Variants in ATP13A5 observed in about 807,000 individuals in gnomAD.
ATP13A5 encodes the protein probable cation-transporting ATPase 13A5.
ATP13A5 carries 149 observed loss-of-function variants against 150.2 expected under a neutral mutation model. The ratio of observed to expected loss-of-function variants is 0.99; its 90% confidence interval spans 0.87 to 1.14. ATP13A5 has a LOEUF of 1.14. Ranked by LOEUF, ATP13A5 falls within the 50% of genes most tolerant of loss-of-function variation. ATP13A5 has a pLI of 0.00. For missense variants in ATP13A5, 1,383 were observed against 1,449.3 expected, an observed-to-expected ratio of 0.95 and a Z score of 0.74; for synonymous variants, 497 against 522.2, an observed-to-expected ratio of 0.95 and a Z score of 0.66.
rs766985195 is a variant in ATP13A5, at chr3:193,345,074, T to G, written c.743A>C (p.Gln248Pro). 6.2e-7 allele frequency: 1 copy of G among 1,612,750 alleles called. No individual in the cohort carries two copies. Among genetic ancestry groups the G allele is most frequent in the African/African-American group, 1.3e-5 (1 of 74,884 alleles). The change falls in exon 8 of 30, where the codon CAA becomes CCA. Residue 248 changes from glutamine to proline, a missense_variant and splice_region_variant. By Grantham distance (76) the Gln-to-Pro change is moderately conservative (BLOSUM62 -1). Coordinates refer to ENST00000342358, the MANE Select transcript of ATP13A5 (RefSeq NM_198505.4). ...IVLSVYDLRQQSVKLHNLVED... is the reference protein window; with the variant it reads ...IVLSVYDLRQPSVKLHNLVED... The stretch of plus-strand genomic sequence containing the variant: ...CACGAGGTTATGCAGCTTAACTGAT[T>G]GCTACCAAGTAAAAGTTAACATTTA...
At chr3:193,309,426 T>C (rs1371064921) in intron 21 of ATP13A5, among the ~76,000 whole-genome samples, 1 of 152,190 alleles carries the variant, frequency 6.6e-6, no homozygotes. Flanking sequence ...CTAAGATATA[T>C]GCCTTATGGC....
At chr3:193,283,427 AT>A (rs1236854590) in intron 27 of ATP13A5, among the ~76,000 whole-genome samples, 2 of 115,666 alleles carry the variant, frequency 1.7e-5, no homozygotes, top group Non-Finnish European at 4.2e-5. Flanking sequence ...CAGAAAAAAA[AT>A]AAGTTTAAAA....
At chr3:193,373,341 G>A (rs1021367444) in intron 1 of ATP13A5, among the ~76,000 whole-genome samples, 4 of 151,890 alleles carry the variant, frequency 2.6e-5, no homozygotes, top group African/African-American at 9.7e-5. Flanking sequence ...ATGGGATTTT[G>A]TCATGTTGGC....
intron 27 of ATP13A5, among the ~76,000 whole-genome samples, chr3:193,280,708 G>A (rs890876130): frequency 2.0e-5 from 3 of 152,122 alleles, no homozygotes; most frequent in Admixed American, 2.0e-4. Flanking sequence ...TTTAGAGACG[G>A]TACCTTAGAA....
At chr3:193,319,700 G>A (rs1719191722) in intron 16 of ATP13A5, among the ~76,000 whole-genome samples, 1 of 152,210 alleles carries the variant, frequency 6.6e-6, no homozygotes, top group Non-Finnish European at 1.5e-5. Context: ...ACTGGGTTCA[G>A]TAAGAACAGA....
At position 193,351,060 on chromosome 3, in the gene ATP13A5, G is replaced by A. The variant is rs1712543830; in HGVS notation, c.741+7C>T. 2 of 1,612,742 alleles carry A rather than the reference G, an allele frequency of 1.2e-6. No individual in the cohort carries two copies. The highest frequency in any genetic ancestry group is 2.2e-5 in the East Asian group (1 of 44,778). On this transcript the variant is annotated splice_region_variant and intron_variant, in intron 7 of 29. Transcript: ENST00000342358. ...AAATAGAATCTGGCTGTGATTTCAG[G>A]TCTTACCTGTCGCAAATCATACACA...
rs543115388 is a variant in ATP13A5, at chr3:193,336,933, C to T, written c.944-1834G>A. 2.3e-3 allele frequency among the ~76,000 whole-genome samples: 350 copies of T among 152,280 alleles called. 3 individuals carry two copies. The highest frequency in any genetic ancestry group is 7.8e-3 in the African/African-American group (324 of 41,552). On this transcript the variant is annotated intron_variant, in intron 9 of 29. Coordinates refer to ENST00000342358, the MANE Select transcript of ATP13A5 (RefSeq NM_198505.4). Reference sequence around the variant, plus strand: ...GACTTTTTAATGATTGCCATTCTAACTGGTGTGAGATGGTGTCTCATTGTG... The same window carrying T: ...GACTTTTTAATGATTGCCATTCTAATTGGTGTGAGATGGTGTCTCATTGTG...
At chr3:193,365,850 T>C (rs546143179) in intron 1 of ATP13A5, among the ~76,000 whole-genome samples, 1 of 152,216 alleles carries the variant, frequency 6.6e-6, no homozygotes, top group East Asian at 1.9e-4. Flanking sequence ...AAACTCACAA[T>C]GCTAGTAAGA....
chr3:193,302,574 AG>A (rs1256144644), intron 23 of ATP13A5, among the ~76,000 whole-genome samples: 3 of 152,204 alleles, frequency 2.0e-5, no homozygotes, highest in African/African-American at 7.2e-5. Context: ...GTGAATTTTA[AG>A]TAGCTCATGC....
chr3:193,378,253 C>A (rs1266290442), intron 1 of ATP13A5, among the ~76,000 whole-genome samples: 4 of 152,102 alleles, frequency 2.6e-5, no homozygotes, highest in Non-Finnish European at 4.4e-5. Context: ...GCCCAGAGCC[C>A]CCTAAGCCTA....
intron 26 of ATP13A5, among the ~76,000 whole-genome samples, chr3:193,285,874 G>A (rs1717703926): frequency 6.6e-6 from 1 of 152,134 alleles, no homozygotes; most frequent in Non-Finnish European, 1.5e-5. Context: ...TTAAAAAAAT[G>A]TTATCTCGGT....
intron 1 of ATP13A5, among the ~76,000 whole-genome samples, chr3:193,376,285 T>C (rs535587044): frequency 9.8e-4 from 150 of 152,354 alleles, no homozygotes; most frequent in Non-Finnish European, 1.5e-3. Context: ...AGATCCAGTG[T>C]CTGATGAGGA....
In ATP13A5 at chr3:193,333,607, A is replaced by G. The variant is rs182208412; in HGVS notation, c.1272+143T>C. The G allele has an allele frequency of 7.9e-5, 64 of 813,170 alleles. No individual in the cohort carries two copies. In the Middle Eastern group the frequency reaches 2.2e-3, roughly 29 times the overall value. The allele number at this position is 813,170 out of a possible 1,614,324, so 50.4% of individuals were successfully genotyped here. On this transcript the variant is annotated intron_variant, in intron 11 of 29. Transcript: ENST00000342358. ...CTGGGGGCAAACTAGGCATGAGAACATTTCCGCTGTCTAAGAAGCTCTTTT... is the reference window on the plus strand; with the variant it reads ...CTGGGGGCAAACTAGGCATGAGAACGTTTCCGCTGTCTAAGAAGCTCTTTT...
chr3:193,310,608 C>T (rs1234611137), intron 21 of ATP13A5, 30 bp downstream of exon 21: 1 of 1,541,652 alleles, frequency 6.5e-7, no homozygotes, highest in Non-Finnish European at 8.8e-7. Context: ...AGTTAATGAG[C>T]ACACTCTTCT....
intron 9 of ATP13A5, among the ~76,000 whole-genome samples, chr3:193,341,582 A>G (rs1712131176): frequency 6.6e-6 from 1 of 152,182 alleles, no homozygotes; most frequent in Non-Finnish European, 1.5e-5. Context: ...GGCCTCAGAC[A>G]GCTCAGAGTG....
At chr3:193,340,481 T>C (rs1216619098) in intron 9 of ATP13A5, among the ~76,000 whole-genome samples, 1 of 152,218 alleles carries the variant, frequency 6.6e-6, no homozygotes, top group Non-Finnish European at 1.5e-5. Context: ...CAACTGATGA[T>C]AAGCTCGTCT....
rs148053034 is a variant in ATP13A5 at position 193,378,698 on chromosome 3, G to T, written c.28C>A (p.Arg10=). 2 of 1,613,792 alleles carry T rather than the reference G, an allele frequency of 1.2e-6. No homozygotes were observed. Among genetic ancestry groups the T allele is most frequent in the African/African-American group, 1.3e-5 (1 of 74,904 alleles). Residue 10 remains arginine, a synonymous_variant, in exon 1 of 30, where the codon CGG becomes AGG. Coordinates refer to ENST00000342358, the MANE Select transcript of ATP13A5 (RefSeq NM_198505.4). ...TCCTCTCCCTGGTTGAGCAAAGCCC[G>T]ATGGTCCTTCTTACTGTTCTCTTCC... is the stretch of plus-strand genomic sequence containing the variant. The part of the protein sequence containing the change: MEENSKKDH[R]ALLNQGEEDE...
chr3:193,350,832 T>C (rs1194996235), intron 7 of ATP13A5, among the ~76,000 whole-genome samples: 1 of 152,116 alleles, frequency 6.6e-6, no homozygotes, highest in African/African-American at 2.4e-5. Context: ...AGCCTCAGAG[T>C]GCTTCTAAAC....
At chr3:193,301,190 C>A (rs749379317) in intron 24 of ATP13A5, 21 bp downstream of exon 24, 7 of 1,572,576 alleles carry the variant, frequency 4.5e-6, no homozygotes, top group African/African-American at 1.4e-5. Flanking sequence ...AGAACTGAGA[C>A]AAAATGATTT....
Sources: allele counts gnomAD v4.1 joint callset (sites outside exome capture counted in the v4.1 genomes callset), GRCh38; gene constraint gnomAD v4.1.1; transcripts MANE v1.5; gene names NCBI Gene and HGNC (gene_info 2026-07-23, HGNC 2026-07-21).